HIBADH: variants seen among roughly 807,000 people sequenced by gnomAD.
HIBADH encodes 3-hydroxyisobutyrate dehydrogenase, also known as 3-hydroxyisobutyrate dehydrogenase, mitochondrial.
HIBADH carries 25 observed loss-of-function variants against 36.1 expected under a neutral mutation model. The ratio of observed to expected loss-of-function variants is 0.69; its 90% confidence interval spans 0.50 to 0.97. The LOEUF is 0.97. HIBADH is among the 50% of genes least tolerant of loss of function. The probability of loss-of-function intolerance (pLI) is 0.00; values close to 1 mark genes in which losing one functional copy is unlikely to be tolerated. For missense variants in HIBADH, 421 were observed against 418.0 expected, an observed-to-expected ratio of 1.01 and a Z score of -0.06; for synonymous variants, 160 against 149.5, an observed-to-expected ratio of 1.07 and a Z score of -0.51.
intron 4 of HIBADH, among the ~76,000 whole-genome samples, chr7:27,567,151 G>C (rs1490451674): frequency 6.6e-6 from 1 of 151,974 alleles, no homozygotes; most frequent in Admixed American, 6.6e-5. Flanking sequence ...AATAATTGTG[G>C]ATTTGTTCAT....
intron 2 of HIBADH, chr7:27,647,711 G>C (rs1486324742): frequency 4.8e-6 from 2 of 413,804 alleles, no homozygotes; most frequent in Non-Finnish European, 1.0e-5. Flanking sequence ...AAACTTGTTG[G>C]GAAACAGAGG....
intron 4 of HIBADH, among the ~76,000 whole-genome samples, chr7:27,578,004 C>CA (rs1049562379): frequency 2.0e-5 from 3 of 151,614 alleles, no homozygotes; most frequent in African/African-American, 2.4e-5. Flanking sequence ...CTGCTGACCT[C>CA]AAAAAAAACC....
At chr7:27,554,277 C>T (rs994225805) in intron 4 of HIBADH, among the ~76,000 whole-genome samples, 4 of 152,206 alleles carry the variant, frequency 2.6e-5, no homozygotes, top group African/African-American at 9.7e-5. Context: ...CGAGCCACCG[C>T]GCCCAGCCAA....
chr7:27,599,298 A>C (rs1470518956), intron 4 of HIBADH, among the ~76,000 whole-genome samples: 1 of 152,244 alleles, frequency 6.6e-6, no homozygotes, highest in African/African-American at 2.4e-5. Flanking sequence ...GAATTTCTAT[A>C]GAAAATGCAG....
At chr7:27,586,332 G>GA (rs1784861764) in intron 4 of HIBADH, among the ~76,000 whole-genome samples, 1 of 115,518 alleles carries the variant, frequency 8.7e-6, no homozygotes, top group Non-Finnish European at 1.7e-5. Flanking sequence ...GAGCAATGTG[G>GA]AAAAAAAGAA....
chr7:27,549,563 T>A (rs1009001682), intron 4 of HIBADH, among the ~76,000 whole-genome samples: 2 of 152,152 alleles, frequency 1.3e-5, no homozygotes, highest in African/African-American at 4.8e-5. Context: ...TCAGTTAACA[T>A]ATTTTTTAAA....
At chr7:27,588,349 G>A (rs1006073997) in intron 4 of HIBADH, among the ~76,000 whole-genome samples, 1 of 152,158 alleles carries the variant, frequency 6.6e-6, no homozygotes, top group Non-Finnish European at 1.5e-5. Context: ...TTGTTTAAGA[G>A]ATACGGTCTC....
chr7:27,585,656 A>C (rs903928576), intron 4 of HIBADH, among the ~76,000 whole-genome samples: 6 of 152,220 alleles, frequency 3.9e-5, no homozygotes, highest in Non-Finnish European at 8.8e-5. Context: ...AAGACGATTC[A>C]AAGAGAAACA....
intron 4 of HIBADH, among the ~76,000 whole-genome samples, chr7:27,619,541 T>C (rs1163281750): frequency 6.6e-6 from 1 of 152,156 alleles, no homozygotes; most frequent in African/African-American, 2.4e-5. Context: ...AACAGATTAA[T>C]TCCAAAACAC....
At chr7:27,577,412 C>A (rs1256019270) in intron 4 of HIBADH, among the ~76,000 whole-genome samples, 1 of 152,094 alleles carries the variant, frequency 6.6e-6, no homozygotes, top group Non-Finnish European at 1.5e-5. Flanking sequence ...ATCTGCCGAC[C>A]TCGGCCTCCC....
intron 4 of HIBADH, among the ~76,000 whole-genome samples, chr7:27,582,178 ATCCCT>A (rs1272516953): frequency 6.6e-6 from 1 of 152,122 alleles, no homozygotes; most frequent in Non-Finnish European, 1.5e-5. Context: ...CAAGTACACA[ATCCCT>A]TCCCTTCAAC....
intron 2 of HIBADH, among the ~76,000 whole-genome samples, chr7:27,636,398 C>T (rs1295942092): frequency 1.3e-5 from 2 of 152,158 alleles, no homozygotes; most frequent in African/African-American, 4.8e-5. Flanking sequence ...AGCACAATTA[C>T]TTCAAAATTA....
intron 4 of HIBADH, among the ~76,000 whole-genome samples, chr7:27,573,364 C>A (rs569027085): frequency 1.3e-5 from 2 of 152,294 alleles, no homozygotes; most frequent in South Asian, 4.1e-4. Flanking sequence ...ATCGTCTTAT[C>A]ATGGAACTTC....
chr7:27,612,554 C>T (rs1278963082), intron 4 of HIBADH, among the ~76,000 whole-genome samples: 1 of 151,864 alleles, frequency 6.6e-6, no homozygotes, highest in Non-Finnish European at 1.5e-5. Context: ...GGACTCCTGA[C>T]CTTAGGTGAT....
intron 4 of HIBADH, among the ~76,000 whole-genome samples, chr7:27,561,405 T>A (rs1349770321): frequency 1.3e-5 from 2 of 152,162 alleles, no homozygotes; most frequent in Non-Finnish European, 2.9e-5. Flanking sequence ...GAAATGTGAT[T>A]CTAAATTTTA....
chr7:27,656,160 C>A (rs1786300389), intron 1 of HIBADH, among the ~76,000 whole-genome samples: 1 of 152,102 alleles, frequency 6.6e-6, no homozygotes, highest in Admixed American at 6.6e-5. Context: ...AGTTTGAAAG[C>A]AGCCATAGAC....
chr7:27,662,857 T>C lies in HIBADH; in HGVS notation c.-69A>G, dbSNP rs1334712302. ...GGAGGGCCCACAGACTGCGAGCGTGTGCAGCGGGACTGGCTGGCTCGCCCA... is the reference window on the plus strand; with the variant it reads ...GGAGGGCCCACAGACTGCGAGCGTGCGCAGCGGGACTGGCTGGCTCGCCCA... On this transcript the variant is annotated 5_prime_UTR_variant, in exon 1 of 8. Transcript: ENST00000265395. The C allele has an allele frequency of 2.2e-5, 28 of 1,259,060 alleles. No individual in the cohort carries two copies. Among genetic ancestry groups the C allele is most frequent in the African/African-American group, 1.1e-4 (7 of 63,868 alleles). 78.0% of individuals were successfully genotyped at this position (1,259,060 alleles called of 1,614,324 possible).
chr7:27,647,697 T>C, intron 2 of HIBADH: 1 of 419,614 alleles, frequency 2.4e-6, no homozygotes, highest in East Asian at 7.5e-5. Context: ...ACTAAAGAAA[T>C]AAGAAACTTG....
intron 4 of HIBADH, among the ~76,000 whole-genome samples, chr7:27,559,256 T>G (rs1784433426): frequency 6.6e-6 from 1 of 152,172 alleles, no homozygotes; most frequent in African/African-American, 2.4e-5. Context: ...GGTCATATTC[T>G]GAGATACTTG....
Sources: gnomAD v4.1 joint callset for allele counts (sites outside exome capture counted in the v4.1 genomes callset) on GRCh38, gnomAD v4.1.1 for gene constraint, MANE v1.5 for transcripts, NCBI Gene and HGNC (gene_info 2026-07-23, HGNC 2026-07-21) for gene names.